HPS1: variants seen among roughly 807,000 people sequenced by gnomAD.
The protein encoded by HPS1 is HPS1 biogenesis of lysosomal organelles complex 3 subunit 1.
HPS1 carries 59 observed loss-of-function variants against 90.6 expected under a neutral mutation model. The observed-to-expected ratio is 0.65, with a 90% CI of 0.53 to 0.81. The LOEUF (loss-of-function observed/expected upper bound fraction) is 0.81, where lower values mean the gene tolerates loss of function less well. HPS1 is among the 30% of genes least tolerant of loss of function. The pLI, the probability that HPS1 is intolerant of heterozygous loss-of-function variation, is 0.00. For missense variants in HPS1, 849 were observed against 896.7 expected, an observed-to-expected ratio of 0.95 and a Z score of 0.68; for synonymous variants, 388 against 384.4, an observed-to-expected ratio of 1.01 and a Z score of -0.11.
chr10:98,434,115 G>A (rs368055656), intron 5 of HPS1, 24 bp from the exon 6 acceptor site: 21 of 1,544,170 alleles, frequency 1.4e-5, no homozygotes, highest in African/African-American at 8.2e-5. Context: ...CAGAGAGGGC[G>A]GGAGAGATCA....
At chr10:98,414,813 C>G (rs1451680024), downstream of HPS1, 1 of 721,752 alleles carries the variant, frequency 1.4e-6, no homozygotes, top group African/African-American at 1.8e-5. Flanking sequence ...GCAGAGCCAG[C>G]ACCGGAATCC....
intron 6 of HPS1, among the ~76,000 whole-genome samples, chr10:98,431,952 A>G (rs900523589): frequency 1.3e-5 from 2 of 152,250 alleles, no homozygotes; most frequent in Non-Finnish European, 2.9e-5. Context: ...GTGCTAAGTT[A>G]CCAAAATCTG....
chr10:98,422,249 G>T, intron 17 of HPS1, 120 bp downstream of exon 17: 2 of 1,064,758 alleles, frequency 1.9e-6, no homozygotes, highest in South Asian at 1.3e-5. Flanking sequence ...ACTGGCCACT[G>T]CCTCCTTGGG....
chr10:98,417,595 A>T lies in HPS1; in HGVS notation c.2072T>A (p.Leu691His), dbSNP rs1303833105. ...VQQAGQLARRLWEASRIPLL is the reference protein window; with the variant it reads ...VQQAGQLARRHWEASRIPLL ...CAGGGGGATACGGGAGGCCTCCCAG[A>T]GGCGCCGGGCCAGCTGGCCGGCCTG... The change falls in exon 20 of 20, where the codon CTC becomes CAC. Residue 691 changes from leucine to histidine, a missense_variant. By Grantham distance (99) the Leu-to-His change is moderately conservative. Coordinates refer to ENST00000361490, the MANE Select transcript of HPS1 (RefSeq NM_000195.5). The surrounding 1 kb of genome is among the most constrained non-coding windows in gnomAD (Gnocchi z 4.2). 1 of 1,612,022 alleles carries T rather than the reference A, an allele frequency of 6.2e-7. No homozygotes were observed.
chr10:98,417,809 G>T lies in HPS1; in HGVS notation c.1941-83C>A. The T allele has an allele frequency of 7.5e-7, 1 of 1,338,300 alleles. No individual in the cohort carries two copies. The highest frequency in any genetic ancestry group is 1.1e-6 in the Non-Finnish European group (1 of 936,834). 82.9% of individuals were successfully genotyped at this position (1,338,300 alleles called of 1,614,324 possible). On this transcript the variant is annotated intron_variant, in intron 19 of 19. Coordinates refer to ENST00000361490, the MANE Select transcript of HPS1 (RefSeq NM_000195.5). This position sits in a 1 kb window ranked among gnomAD's most constrained non-coding sequence, Gnocchi z 4.2. The stretch of plus-strand genomic sequence containing the variant: ...CAGAGGCCTCTCTGGGCCCTCGCAA[G>T]CAAATGCCCATGCCCTCGGTCATCT...
intron 10 of HPS1, among the ~76,000 whole-genome samples, chr10:98,427,920 G>A (rs1330231744): frequency 6.6e-6 from 1 of 152,198 alleles, no homozygotes; most frequent in Non-Finnish European, 1.5e-5. Context: ...ACAAATGGAT[G>A]AGTGCAACCC....
chr10:98,429,834 C>A lies in HPS1; in HGVS notation c.824G>T (p.Ser275Ile), dbSNP rs769981891. Residue 275 changes from serine (S) to isoleucine (I), a missense_variant, in exon 9 of 20, where the codon AGC becomes ATC. Transcript: ENST00000361490. ...SQNIPVQQAW[S>I]PHSTGPTGGS... ...CCCAGTTGGGCCCGTGGAGTGAGGG[C>A]TCCAGGCCTGCTGCACGGGGATGTT... 6.8e-6 allele frequency: 11 copies of A among 1,613,668 alleles called. No individual in the cohort carries two copies. The South Asian group carries it at 1.2e-4, about 18-fold the overall frequency.
chr10:98,415,062 G>C, downstream of HPS1: 3 of 1,613,986 alleles, frequency 1.9e-6, no homozygotes, highest in Non-Finnish European at 2.5e-6. Context: ...CCTGGCTTCC[G>C]TGTTATCTCG....
chr10:98,446,250 G>A lies in HPS1; in HGVS notation c.-106+557C>T, dbSNP rs192552203. Among the ~76,000 whole-genome samples the A allele has an allele frequency of 2.0e-3, 312 of 152,256 alleles. 1 individual carries two copies. Among genetic ancestry groups the A allele is most frequent in the African/African-American group, 7.1e-3 (293 of 41,556 alleles). On this transcript the variant is annotated intron_variant, in intron 1 of 19. Transcript: ENST00000361490. Reference sequence around the variant, plus strand: ...CATCACCCACATGATTGGCCCGAATGCCATATTCCCGAAACAGGGGGATGC... The same window carrying A: ...CATCACCCACATGATTGGCCCGAATACCATATTCCCGAAACAGGGGGATGC...
chr10:98,427,722 T>A (rs1032446666), intron 10 of HPS1, among the ~76,000 whole-genome samples: 1 of 152,214 alleles, frequency 6.6e-6, no homozygotes, highest in Non-Finnish European at 1.5e-5. Flanking sequence ...GCACCTGCTG[T>A]GTGCTGGGAA....
At chr10:98,427,593 C>G (rs1845785507) in intron 10 of HPS1, among the ~76,000 whole-genome samples, 1 of 152,132 alleles carries the variant, frequency 6.6e-6, no homozygotes, top group Non-Finnish European at 1.5e-5. Flanking sequence ...CTCCCTTGCC[C>G]CCAATCCCCT....
intron 11 of HPS1, 159 bp downstream of exon 11, chr10:98,427,056 T>A: frequency 1.7e-6 from 1 of 605,138 alleles, no homozygotes; most frequent in African/African-American, 1.9e-5. Flanking sequence ...GGCTGAGCTC[T>A]GGCACCAGGA....
chr10:98,414,814 AC>A (rs1843935712), downstream of HPS1: 2 of 728,786 alleles, frequency 2.7e-6, no homozygotes, highest in Non-Finnish European at 4.2e-6. Context: ...CAGAGCCAGC[AC>A]CGGAATCCCA....
Position 98,422,449 on chromosome 10 carries a change from C to G in HPS1, c.1663G>C (p.Val555Leu), listed in dbSNP as rs767041516. ...IYVDRTTGQM[V>L]APSLNCSQKT... ...TGACTGCAGTTGAGGGAAGGCGCCA[C>G]CATCTGCCCAGTGGTGCGGTCCACA... The change falls in exon 17 of 20, where the codon GTG becomes CTG. Residue 555 changes from valine (V) to leucine (L), a missense_variant. Coordinates refer to ENST00000361490, the MANE Select transcript of HPS1 (RefSeq NM_000195.5). 6.2e-7 allele frequency: 1 copy of G among 1,614,170 alleles called. No homozygotes were observed.
In HPS1 at chr10:98,445,885, GCCTCAAACT is replaced by G. The variant is rs1444274839; in HGVS notation, c.-105-490_-105-482del. Among the ~76,000 whole-genome samples the G allele has an allele frequency of 1.3e-5, 2 of 152,206 alleles. No individual in the cohort carries two copies. The highest frequency in any genetic ancestry group is 4.8e-5 in the African/African-American group (2 of 41,450). Reference sequence around the variant, plus strand: ...TGCCAAGTCCCATAAACCTCTCTGAGCCTCAAACTCCTGCGGAGAAACAGAGCAACATCC... The same window carrying G: ...TGCCAAGTCCCATAAACCTCTCTGAGCCTGCGGAGAAACAGAGCAACATCC... On this transcript the variant is annotated intron_variant, in intron 1 of 19. Transcript: ENST00000361490. The surrounding 1 kb of genome is among the most constrained non-coding windows in gnomAD (Gnocchi z 4.5).
Position 98,430,609 on chromosome 10 carries a change from G to A in HPS1, c.730C>T (p.Leu244Phe). 6.4e-7 allele frequency: 1 copy of A among 1,556,108 alleles called. No individual in the cohort carries two copies. Among genetic ancestry groups the A allele is most frequent in the Non-Finnish European group, 8.7e-7 (1 of 1,149,146 alleles). ...LLALILLVQD[L>F]YPSESTAEDD... is the part of the protein sequence containing the mutation. Reference sequence around the variant, plus strand: ...TCTGCTGTGCTCTCGCTGGGGTAGAGGTCCTGAACCAGGAGGATGAGGGCA... The same window carrying A: ...TCTGCTGTGCTCTCGCTGGGGTAGAAGTCCTGAACCAGGAGGATGAGGGCA... The change falls in exon 8 of 20, where the codon CTC becomes TTC. Residue 244 changes from leucine (L) to phenylalanine (F), a missense_variant. Physicochemically the swap from Leu to Phe is conservative, Grantham distance 22 (BLOSUM62 0). Coordinates refer to ENST00000361490, the MANE Select transcript of HPS1 (RefSeq NM_000195.5).
rs1163552030 is a variant in HPS1 at position 98,417,576 on chromosome 10, G to A, written c.2091C>T (p.Ile697=). 6.2e-7 allele frequency: 1 copy of A among 1,611,216 alleles called. No homozygotes were observed. The highest frequency in any genetic ancestry group is 2.2e-5 in the East Asian group (1 of 44,838). The change falls in exon 20 of 20, where the codon ATC becomes ATT. Residue 697 remains isoleucine (I), a synonymous_variant. Transcript: ENST00000361490. This position sits in a 1 kb window ranked among gnomAD's most constrained non-coding sequence, Gnocchi z 4.2. ...CGGCCACCTTGGCCTAGAGCAGGGG[G>A]ATACGGGAGGCCTCCCAGAGGCGCC... The part of the protein sequence containing the change: ...LARRLWEASR[I]PLL
At chr10:98,443,817 G>A (rs1026862065) in intron 2 of HPS1, among the ~76,000 whole-genome samples, 1 of 152,204 alleles carries the variant, frequency 6.6e-6, no homozygotes, top group East Asian at 1.9e-4. Flanking sequence ...TGGATCACCT[G>A]AAGTCAGGAG....
Position 98,435,313 on chromosome 10 carries a change from G to A in HPS1, c.357C>T (p.His119=). 1 of 1,614,018 alleles carries A rather than the reference G, an allele frequency of 6.2e-7. No homozygotes were observed. Among genetic ancestry groups the A allele is most frequent in the Non-Finnish European group, 8.5e-7 (1 of 1,180,020 alleles). The change falls in exon 5 of 20, where the codon CAC becomes CAT. Residue 119 remains histidine (H), a synonymous_variant. Coordinates refer to ENST00000361490, the MANE Select transcript of HPS1 (RefSeq NM_000195.5). The surrounding 1 kb of genome is among the most constrained non-coding windows in gnomAD (Gnocchi z 4.3). ...LYVLKYLFEV[H]FGLVTVDGHL... ...GACCGTCCACAGTCACCAGCCCAAAGTGCACTTCAAACAGGTACTTGAGCA... is the reference window on the plus strand; with the variant it reads ...GACCGTCCACAGTCACCAGCCCAAAATGCACTTCAAACAGGTACTTGAGCA...
Sources: allele counts gnomAD v4.1 joint callset (sites outside exome capture counted in the v4.1 genomes callset), GRCh38; gene constraint gnomAD v4.1.1; non-coding constraint Gnocchi (gnomAD v3.1); transcripts MANE v1.5; gene names NCBI Gene and HGNC (gene_info 2026-07-23, HGNC 2026-07-21).